CFAP44: variants seen among roughly 807,000 people sequenced by gnomAD.
CFAP44 encodes the protein cilia- and flagella-associated protein 44.
In CFAP44, 134 loss-of-function variants were observed where a neutral mutation model predicts 216.2. The observed-to-expected ratio is 0.62, with a 90% CI of 0.54 to 0.72. The LOEUF (loss-of-function observed/expected upper bound fraction) is 0.72, where lower values mean the gene tolerates loss of function less well. Ranked by LOEUF, CFAP44 falls within the 30% of genes least tolerant of loss-of-function variation. CFAP44 has a pLI of 0.00. For synonymous variants in CFAP44, 700 were observed against 727.6 expected (o/e 0.96, Z 0.61); for missense variants, 2,035 against 2,182.1 (o/e 0.93, Z 1.34).
intron 15 of CFAP44, among the ~76,000 whole-genome samples, chr3:113,386,214 C>T (rs1171705930): frequency 6.6e-6 from 1 of 152,140 alleles, no homozygotes; most frequent in Non-Finnish European, 1.5e-5. Context: ...ATAAATAGAG[C>T]AATCCCTGCT....
chr3:113,358,386 C>A (rs1950510383), intron 22 of CFAP44, among the ~76,000 whole-genome samples: 1 of 151,844 alleles, frequency 6.6e-6, no homozygotes, highest in Non-Finnish European at 1.5e-5. Flanking sequence ...ACCAGAGCCA[C>A]CTCTGGTTGT....
At chr3:113,402,754 G>A (rs771074247) in intron 9 of CFAP44, among the ~76,000 whole-genome samples, 2 of 152,186 alleles carry the variant, frequency 1.3e-5, no homozygotes, top group African/African-American at 2.4e-5. Flanking sequence ...GAAAAGAGAA[G>A]CAAGCTTAGG....
chr3:113,330,117 T>C (rs1277713159), intron 26 of CFAP44, 51 bp downstream of exon 26: 1 of 1,449,112 alleles, frequency 6.9e-7, no homozygotes, highest in Non-Finnish European at 9.0e-7. Context: ...CCCAATTTTT[T>C]CCCTTCTCTT....
intron 34 of CFAP44, among the ~76,000 whole-genome samples, chr3:113,293,088 T>G (rs902131555): frequency 3.9e-5 from 6 of 152,204 alleles, no homozygotes. Flanking sequence ...CCTATTTGTT[T>G]AAGGTACTCT....
chr3:113,387,558 T>G (rs1393656636), intron 15 of CFAP44, among the ~76,000 whole-genome samples: 1 of 152,034 alleles, frequency 6.6e-6, no homozygotes, highest in Non-Finnish European at 1.5e-5. Context: ...TAGTACACAC[T>G]GTGGGCCTTG....
Position 113,441,441 on chromosome 3 carries a change from G to T in CFAP44, c.-6+12C>A. On this transcript the variant is annotated intron_variant, in intron 1 of 34. Transcript: ENST00000393845. ...GGTGTGGAAACTGCCGGCTGCTGAG[G>T]TCCAAACTCACCGAAGGTACTGACC... The T allele has an allele frequency of 1.0e-6, 1 of 985,754 alleles. No individual in the cohort carries two copies. The highest frequency in any genetic ancestry group is 1.7e-5 in the African/African-American group (1 of 57,324). 61.1% of individuals were successfully genotyped at this position (985,754 alleles called of 1,614,324 possible).
chr3:113,364,753 A>G (rs1439763684), intron 19 of CFAP44, among the ~76,000 whole-genome samples: 1 of 152,116 alleles, frequency 6.6e-6, no homozygotes, highest in Non-Finnish European at 1.5e-5. Context: ...AATCACATGA[A>G]GGATAGTGTA....
intron 22 of CFAP44, among the ~76,000 whole-genome samples, chr3:113,356,612 C>CA (rs907463265): frequency 4.6e-5 from 7 of 151,796 alleles, no homozygotes; most frequent in Admixed American, 3.9e-4. Context: ...GTCTTTTCAA[C>CA]AAAAAATACT....
In CFAP44 at chr3:113,290,716, T is replaced by C. The variant is rs1949820890; in HGVS notation, c.*841A>G. On this transcript the variant is annotated 3_prime_UTR_variant, in exon 35 of 35. Coordinates refer to ENST00000393845, the MANE Select transcript of CFAP44 (RefSeq NM_001164496.2). ...TGTTAAAGATGATCTCTAGTAAATC[T>C]ATTTCATTATCTCCTCATCTATATC... 6.6e-6 allele frequency: 1 copy of C among 152,228 alleles called. No homozygotes were observed. Among genetic ancestry groups the C allele is most frequent in the Non-Finnish European group, 1.5e-5 (1 of 68,046 alleles). The allele number at this position is 152,228 out of a possible 1,614,324, so 9.4% of individuals were successfully genotyped here.
At chr3:113,412,419 A>T (rs1291507197) in intron 6 of CFAP44, among the ~76,000 whole-genome samples, 5 of 151,532 alleles carry the variant, frequency 3.3e-5, no homozygotes, top group African/African-American at 9.7e-5. Context: ...TTTCTTCTAA[A>T]AAAAAAAAGA....
chr3:113,354,084 C>CA lies in CFAP44; in HGVS notation c.3065+4660dup, dbSNP rs35767090. On this transcript the variant is annotated intron_variant, in intron 22 of 34. Coordinates refer to ENST00000393845, the MANE Select transcript of CFAP44 (RefSeq NM_001164496.2). ...CCTAACAAAGATTAAAGGCAAGCCT[C>CA]AAAAAAAAAAAAAAAATCTTTTTCC... Among the ~76,000 whole-genome samples, 289 of 128,426 alleles carry CA rather than the reference C, an allele frequency of 2.3e-3. 2 individuals carry two copies. Among genetic ancestry groups the CA allele is most frequent in the Middle Eastern group, 0.012 (3 of 260 alleles). The allele number at this position is 128,426 out of a possible 152,430, so 84.3% of individuals were successfully genotyped here.
Position 113,379,536 on chromosome 3 carries a change from C to G in CFAP44, c.2068G>C (p.Glu690Gln). 6.3e-7 allele frequency: 1 copy of G among 1,587,202 alleles called. No homozygotes were observed. Among genetic ancestry groups the G allele is most frequent in the Non-Finnish European group, 8.6e-7 (1 of 1,158,208 alleles). ...AACTCCCTTTGTCTCTCCCTCTTTT[C>G]AATTTCTATTAATCTCTTTTAAAAT... ...KSKILRLIEI[E>Q]KRERQRELKE... is the part of the protein sequence containing the mutation. The change falls in exon 17 of 35, where the codon GAA becomes CAA. Residue 690 changes from glutamate to glutamine, a missense_variant. This residue lies in a region of CFAP44 where 1,883 missense variants were observed against 2,023.7 expected (regional missense o/e 0.93). Coordinates refer to ENST00000393845, the MANE Select transcript of CFAP44 (RefSeq NM_001164496.2).
intron 2 of CFAP44, chr3:113,432,054 A>C (rs1935119578): frequency 1.3e-5 from 2 of 152,218 alleles, no homozygotes; most frequent in Admixed American, 1.3e-4. Flanking sequence ...AAGATGTGGT[A>C]ATGTTTCCAA....
At chr3:113,353,453 TACACACAC>T (rs34714015) in intron 22 of CFAP44, among the ~76,000 whole-genome samples, 1,999 of 141,780 alleles carry the variant, frequency 0.014, 31 homozygotes, top group African/African-American at 0.031. Context: ...TATGTATGAA[TACACACAC>T]ACACACACAC....
intron 18 of CFAP44, 110 bp from the exon 19 acceptor site, chr3:113,366,419 T>C (rs997442353): frequency 3.8e-5 from 50 of 1,304,714 alleles, no homozygotes; most frequent in African/African-American, 8.9e-5. Context: ...ATGGACTGAA[T>C]TGTACACCCC....
intron 24 of CFAP44, 45 bp downstream of exon 24, chr3:113,341,699 G>T: frequency 1.4e-6 from 2 of 1,394,896 alleles, no homozygotes; most frequent in Non-Finnish European, 9.3e-7. Context: ...TTATTTTGGG[G>T]CTCACATATT....
Position 113,327,820 on chromosome 3 carries a change from C to T in CFAP44, c.4117-1G>A. Reference sequence around the variant, plus strand: ...CGAAAGTGACAACCAGTTCTTTGATCTGAGATGGAAAAAATATTTGCGGAT... The same window carrying T: ...CGAAAGTGACAACCAGTTCTTTGATTTGAGATGGAAAAAATATTTGCGGAT... On this transcript the variant is annotated splice_acceptor_variant, in intron 26 of 34. Coordinates refer to ENST00000393845, the MANE Select transcript of CFAP44 (RefSeq NM_001164496.2). LOFTEE classifies it high-confidence loss of function. The T allele has an allele frequency of 2.0e-6, 3 of 1,536,030 alleles. No homozygotes were observed. Among genetic ancestry groups the T allele is most frequent in the Non-Finnish European group, 2.6e-6 (3 of 1,146,438 alleles).
At chr3:113,307,118 C>T (rs1371248904) in intron 29 of CFAP44, among the ~76,000 whole-genome samples, 1 of 152,174 alleles carries the variant, frequency 6.6e-6, no homozygotes, top group Non-Finnish European at 1.5e-5. Context: ...CTGGCTGCTC[C>T]AGACTGGTTT....
At chr3:113,436,196 AC>A (rs1042032529) in intron 1 of CFAP44, among the ~76,000 whole-genome samples, 6 of 152,132 alleles carry the variant, frequency 3.9e-5, no homozygotes, top group African/African-American at 1.4e-4. Context: ...AGTTTGGGAT[AC>A]ACAGACTTGC....
Sources: allele counts gnomAD v4.1 joint callset (sites outside exome capture counted in the v4.1 genomes callset), GRCh38; gene constraint gnomAD v4.1.1; regional missense constraint gnomAD v4.1.1; transcripts MANE v1.5; gene names NCBI Gene and HGNC (gene_info 2026-07-23, HGNC 2026-07-21).